CACNA2D3: variants seen among roughly 807,000 people sequenced by gnomAD.
CACNA2D3 encodes the protein calcium voltage-gated channel auxiliary subunit alpha2delta 3.
CACNA2D3 carries 60 observed loss-of-function variants against 160.6 expected under a neutral mutation model. The ratio of observed to expected loss-of-function variants is 0.37; its 90% CI spans 0.30 to 0.46. The LOEUF (loss-of-function observed/expected upper bound fraction) is 0.46, where lower values mean the gene tolerates loss of function less well. CACNA2D3 is among the 20% of genes least tolerant of loss of function. CACNA2D3 has a pLI of 1.00. For synonymous variants in CACNA2D3, 558 were observed against 492.9 expected (o/e 1.13, Z -1.75); for missense variants, 1,205 against 1,365.0 (o/e 0.88, Z 1.85).
chr3:54,339,456 G>T (rs1704467703), intron 3 of CACNA2D3, among the ~76,000 whole-genome samples: 1 of 151,974 alleles, frequency 6.6e-6, no homozygotes, highest in African/African-American at 2.4e-5. Context: ...ATGTTGTCTT[G>T]TTTATACCTT....
chr3:55,054,668 A>G (rs111956023), intron 35 of CACNA2D3, among the ~76,000 whole-genome samples: 2,852 of 151,636 alleles, frequency 0.019, 95 homozygotes, highest in African/African-American at 0.065. Context: ...ATGTTGGTCT[A>G]TCTTTAGATT....
At chr3:54,155,788 G>A (rs771459278) in intron 2 of CACNA2D3, among the ~76,000 whole-genome samples, 4 of 152,192 alleles carry the variant, frequency 2.6e-5, no homozygotes, top group South Asian at 2.1e-4. Context: ...ACCTGTGACC[G>A]TGGGGCCATT....
chr3:54,526,103 G>A (rs1260988540), intron 5 of CACNA2D3, among the ~76,000 whole-genome samples: 1 of 151,738 alleles, frequency 6.6e-6, no homozygotes, highest in East Asian at 1.9e-4. Context: ...ATATGCTTTT[G>A]AGTCTCTCTA....
chr3:54,538,670 A>T (rs918306017), intron 5 of CACNA2D3, among the ~76,000 whole-genome samples: 1 of 152,122 alleles, frequency 6.6e-6, no homozygotes, highest in Non-Finnish European at 1.5e-5. Flanking sequence ...GTTCTGAGGG[A>T]TTCACTGTCC....
chr3:54,199,878 G>T (rs1701147686), intron 2 of CACNA2D3, among the ~76,000 whole-genome samples: 1 of 152,124 alleles, frequency 6.6e-6, no homozygotes, highest in South Asian at 2.1e-4. Flanking sequence ...TATTTGCAGG[G>T]GTCAGAAAAC....
At chr3:54,533,337 T>C (rs1357419211) in intron 5 of CACNA2D3, among the ~76,000 whole-genome samples, 1 of 140,660 alleles carries the variant, frequency 7.1e-6, no homozygotes, top group Non-Finnish European at 1.6e-5. Flanking sequence ...CTTTCCTTTT[T>C]TTTTTTTTTT....
intron 5 of CACNA2D3, among the ~76,000 whole-genome samples, chr3:54,555,774 G>A (rs1702233282): frequency 6.6e-6 from 1 of 152,186 alleles, no homozygotes; most frequent in African/African-American, 2.4e-5. Flanking sequence ...ATAAGTTAAT[G>A]TGGATTGGAT....
chr3:54,237,841 T>C (rs1297248190), intron 2 of CACNA2D3, among the ~76,000 whole-genome samples: 1 of 152,182 alleles, frequency 6.6e-6, no homozygotes, highest in Non-Finnish European at 1.5e-5. Flanking sequence ...ACAAGTTCCA[T>C]GGGTAGAGAA....
Position 54,160,611 on chromosome 3 carries a change from A to G in CACNA2D3, c.204+37017A>G, listed in dbSNP as rs537683925. 4.6e-5 allele frequency among the ~76,000 whole-genome samples: 7 copies of G among 152,372 alleles called. No individual in the cohort carries two copies. The South Asian group carries it at 1.5e-3, about 32-fold the overall frequency. On this transcript the variant is annotated intron_variant, in intron 2 of 37. Transcript: ENST00000474759. ...TTGATTTTTACTATTGATCATTTAG[A>G]AAAGTTTCCTTTAGCTTCACTGCTT...
chr3:54,402,645 C>T (rs1575435914), intron 4 of CACNA2D3, among the ~76,000 whole-genome samples: 1 of 152,128 alleles, frequency 6.6e-6, no homozygotes, highest in East Asian at 1.9e-4. Context: ...TATTAATTGA[C>T]ATTAAGGGAG....
chr3:54,879,327 CTT>C lies in CACNA2D3; in HGVS notation c.1783-10_1783-9del, dbSNP rs35536476. The C allele has an allele frequency of 0.026, 34,922 of 1,330,808 alleles. 2 individuals carry two copies. Among genetic ancestry groups the C allele is most frequent in the East Asian group, 0.11 (3,614 of 31,654 alleles). 82.4% of individuals were successfully genotyped at this position (1,330,808 alleles called of 1,614,324 possible). A position where few individuals can be genotyped will look rare whatever the true frequency, so the allele number is the denominator to read the frequency against. ...TAACCATGTTTTCTTTTCTCTACGA[CTT>C]TTTTTTTTTTTTCAATCTAGAAACG... On this transcript the variant is annotated intron_variant, in intron 19 of 37. Coordinates refer to ENST00000474759, the MANE Select transcript of CACNA2D3 (RefSeq NM_018398.3).
chr3:54,766,563 C>G (rs1201354783), intron 13 of CACNA2D3, among the ~76,000 whole-genome samples: 2 of 152,138 alleles, frequency 1.3e-5, no homozygotes, highest in Admixed American at 6.5e-5. Flanking sequence ...TTTGCATTTA[C>G]CCTTTGATCC....
chr3:54,411,027 C>T (rs1180051025), intron 4 of CACNA2D3, among the ~76,000 whole-genome samples: 1 of 152,176 alleles, frequency 6.6e-6, no homozygotes, highest in Non-Finnish European at 1.5e-5. Flanking sequence ...AAGGAAGTTA[C>T]TGTAGATGTG....
At chr3:54,554,303 T>G (rs747406941) in intron 5 of CACNA2D3, among the ~76,000 whole-genome samples, 1 of 152,214 alleles carries the variant, frequency 6.6e-6, no homozygotes, top group Non-Finnish European at 1.5e-5. Context: ...TTTGCCATTG[T>G]TTCTCTCCTC....
chr3:54,605,964 G>A (rs1451121759), intron 9 of CACNA2D3, among the ~76,000 whole-genome samples: 1 of 152,114 alleles, frequency 6.6e-6, no homozygotes, highest in African/African-American at 2.4e-5. Flanking sequence ...TTTACTAGTA[G>A]AATAAATTGA....
At chr3:54,147,947 T>C (rs753564015) in intron 2 of CACNA2D3, among the ~76,000 whole-genome samples, 108 of 152,216 alleles carry the variant, frequency 7.1e-4, no homozygotes, top group Non-Finnish European at 2.2e-4. Flanking sequence ...GTTGGGACTA[T>C]AGGCGTGTGC....
chr3:54,999,294 A>G (rs1008399186), intron 31 of CACNA2D3, among the ~76,000 whole-genome samples: 2 of 151,970 alleles, frequency 1.3e-5, no homozygotes, highest in Admixed American at 6.5e-5. Context: ...TGGCTTTCTG[A>G]GATGTAAGAA....
At chr3:54,149,176 A>G (rs1479438878) in intron 2 of CACNA2D3, among the ~76,000 whole-genome samples, 1 of 151,660 alleles carries the variant, frequency 6.6e-6, no homozygotes, top group African/African-American at 2.4e-5. Context: ...GACTCAGGGA[A>G]GGAGCAAAAT....
intron 2 of CACNA2D3, among the ~76,000 whole-genome samples, chr3:54,178,311 C>T (rs1234723832): frequency 1.3e-5 from 2 of 152,198 alleles, no homozygotes; most frequent in African/African-American, 2.4e-5. Context: ...CTTCAGCCCT[C>T]TGGGGTACCT....
Sources: gnomAD v4.1 joint callset for allele counts (sites outside exome capture counted in the v4.1 genomes callset) on GRCh38, gnomAD v4.1.1 for gene constraint, MANE v1.5 for transcripts, NCBI Gene and HGNC (gene_info 2026-07-23, HGNC 2026-07-21) for gene names.